Variants in PDZRN4 observed in about 807,000 individuals in gnomAD.
The protein encoded by PDZRN4 is PDZ domain-containing RING finger protein 4.
Under a neutral mutation model 99.0 loss-of-function variants are expected in PDZRN4, and 70 were observed. The ratio of observed to expected loss-of-function variants is 0.71; its 90% CI spans 0.58 to 0.86. The LOEUF is 0.86. Ranked by LOEUF, PDZRN4 falls within the 40% of genes least tolerant of loss-of-function variation. PDZRN4 has a pLI of 0.00. For synonymous variants in PDZRN4, 551 were observed against 501.6 expected (o/e 1.10, Z -1.32); for missense variants, 1,474 against 1,331.2 (o/e 1.11, Z -1.67).
intron 3 of PDZRN4, among the ~76,000 whole-genome samples, chr12:41,456,101 C>A (rs1403957405): frequency 1.3e-5 from 2 of 152,188 alleles, no homozygotes; most frequent in African/African-American, 4.8e-5. Context: ...CTCTTTGCTT[C>A]CAGTCTCTAA....
rs1324824284 is a variant in PDZRN4 at position 41,574,034 on chromosome 12, G to A, written c.*144G>A. ...ATTTTTTGTAAGCAAAAAATACCTGGTAATTTTTCATTTGTTTTTCATATA... is the reference window on the plus strand; with the variant it reads ...ATTTTTTGTAAGCAAAAAATACCTGATAATTTTTCATTTGTTTTTCATATA... On this transcript the variant is annotated 3_prime_UTR_variant, in exon 10 of 10. Transcript: ENST00000402685. 2.5e-5 allele frequency: 12 copies of A among 479,544 alleles called. No homozygotes were observed. The highest frequency in any genetic ancestry group is 4.4e-4 in the Middle Eastern group (1 of 2,276). The allele number at this position is 479,544 out of a possible 1,614,324, so 29.7% of individuals were successfully genotyped here.
At chr12:41,347,552 A>G (rs1246595312) in intron 3 of PDZRN4, among the ~76,000 whole-genome samples, 2 of 152,138 alleles carry the variant, frequency 1.3e-5, no homozygotes, top group East Asian at 3.9e-4. Flanking sequence ...CAAGTTCCTT[A>G]TCAGATGTGT....
intron 3 of PDZRN4, among the ~76,000 whole-genome samples, chr12:41,231,256 C>G (rs566708904): frequency 3.0e-4 from 46 of 152,206 alleles, no homozygotes; most frequent in African/African-American, 1.0e-3. Context: ...TTATAAATTT[C>G]TCAATTGCTT....
In PDZRN4 at chr12:41,203,072, A is replaced by T. The variant is rs148729276; in HGVS notation, c.843+8884A>T. On this transcript the variant is annotated intron_variant, in intron 3 of 9. Transcript: ENST00000402685. ...GGTAGTTTTCACAGTGAAATTTGCTACAAACATGATTCATGAAGTACATAA... is the reference window on the plus strand; with the variant it reads ...GGTAGTTTTCACAGTGAAATTTGCTTCAAACATGATTCATGAAGTACATAA... 5.2e-3 allele frequency among the ~76,000 whole-genome samples: 785 copies of T among 152,164 alleles called. 2 individuals are homozygous for T. The highest frequency in any genetic ancestry group is 8.7e-3 in the Non-Finnish European group (589 of 67,968).
intron 3 of PDZRN4, among the ~76,000 whole-genome samples, chr12:41,343,007 T>C (rs919535319): frequency 6.6e-6 from 1 of 151,918 alleles, no homozygotes; most frequent in Non-Finnish European, 1.5e-5. Flanking sequence ...ATAAAGAATA[T>C]GTGGTTTATA....
intron 8 of PDZRN4, among the ~76,000 whole-genome samples, chr12:41,567,053 A>C (rs1443904120): frequency 6.6e-6 from 1 of 152,162 alleles, no homozygotes; most frequent in Non-Finnish European, 1.5e-5. Context: ...CTACAAGAAT[A>C]CTTGTTTTCA....
At chr12:41,464,608 C>G (rs1168129533) in intron 3 of PDZRN4, among the ~76,000 whole-genome samples, 1 of 152,120 alleles carries the variant, frequency 6.6e-6, no homozygotes, top group Non-Finnish European at 1.5e-5. Flanking sequence ...ACAGGGTTTA[C>G]ATATGAGAAT....
chr12:41,535,299 GACC>G (rs548533653), intron 5 of PDZRN4, among the ~76,000 whole-genome samples: 2 of 152,116 alleles, frequency 1.3e-5, no homozygotes, highest in Non-Finnish European at 2.9e-5. Flanking sequence ...TTATCTCTGG[GACC>G]CTTTGACCTG....
chr12:41,383,549 G>A (rs1214966730), intron 3 of PDZRN4, among the ~76,000 whole-genome samples: 5 of 152,182 alleles, frequency 3.3e-5, no homozygotes, highest in Non-Finnish European at 5.9e-5. Context: ...AAGGATCTGA[G>A]TAAACTCCTT....
At chr12:41,260,106 A>T (rs551528889) in intron 3 of PDZRN4, among the ~76,000 whole-genome samples, 2 of 152,192 alleles carry the variant, frequency 1.3e-5, no homozygotes, top group Non-Finnish European at 2.9e-5. Flanking sequence ...AAAATACTGA[A>T]AGCAATTAAA....
intron 3 of PDZRN4, among the ~76,000 whole-genome samples, chr12:41,361,941 C>T (rs1015637491): frequency 4.6e-5 from 7 of 152,098 alleles, no homozygotes; most frequent in Non-Finnish European, 5.9e-5. Flanking sequence ...CCAGCTCCTA[C>T]GTGACATTGA....
At chr12:41,243,878 T>G (rs1219878858) in intron 3 of PDZRN4, among the ~76,000 whole-genome samples, 5 of 152,184 alleles carry the variant, frequency 3.3e-5, no homozygotes, top group Non-Finnish European at 5.9e-5. Context: ...GCTAACATAT[T>G]CACTCAAACA....
chr12:41,288,499 T>G (rs1429842753), intron 3 of PDZRN4, among the ~76,000 whole-genome samples: 1 of 152,306 alleles, frequency 6.6e-6, no homozygotes, highest in East Asian at 1.9e-4. Context: ...TTGTCCTAAT[T>G]GGAACTGTAG....
At chr12:41,566,233 C>G (rs886867336) in intron 8 of PDZRN4, among the ~76,000 whole-genome samples, 1 of 152,020 alleles carries the variant, frequency 6.6e-6, no homozygotes. Flanking sequence ...TCATTTAATC[C>G]TCAAAGGACT....
chr12:41,375,856 C>T (rs2121090289), intron 3 of PDZRN4, among the ~76,000 whole-genome samples: 1 of 152,184 alleles, frequency 6.6e-6, no homozygotes, highest in East Asian at 1.9e-4. Flanking sequence ...TGTGCATTAG[C>T]TCCCCAGAGC....
In PDZRN4 at chr12:41,189,000, A is replaced by C; in HGVS notation, c.545A>C (p.Gln182Pro). The change falls in exon 1 of 10, where the codon CAG becomes CCG. Residue 182 changes from glutamine (Q) to proline (P), a missense_variant. Gln to Pro is a moderately conservative substitution (Grantham distance 76). Coordinates refer to ENST00000402685, the MANE Select transcript of PDZRN4 (RefSeq NM_001164595.2). The part of the protein sequence containing the change: ...KALLAQLWAL[Q>P]GEVQLTARRY... ...CTGCTGGCGCAGCTCTGGGCGCTGC[A>C]GGGCGAGGTGCAGCTCACGGCGCGC... The C allele has an allele frequency of 6.5e-7, 1 of 1,543,364 alleles. No homozygotes were observed. Among genetic ancestry groups the C allele is most frequent in the Non-Finnish European group, 8.7e-7 (1 of 1,152,072 alleles).
intron 3 of PDZRN4, among the ~76,000 whole-genome samples, chr12:41,295,222 G>A (rs749652719): frequency 1.3e-5 from 2 of 152,108 alleles, no homozygotes; most frequent in African/African-American, 4.8e-5. Context: ...ACCTGAAGGT[G>A]TACTCTGGCC....
chr12:41,508,989 A>C (rs1411326286), intron 4 of PDZRN4, among the ~76,000 whole-genome samples: 1 of 152,184 alleles, frequency 6.6e-6, no homozygotes, highest in African/African-American at 2.4e-5. Context: ...CTTTGCTGTT[A>C]AACTATGCTT....
Position 41,573,322 on chromosome 12 carries a change from G to C in PDZRN4, c.2543G>C (p.Arg848Pro). 2 of 1,613,168 alleles carry C rather than the reference G, an allele frequency of 1.2e-6. No homozygotes were observed. Among genetic ancestry groups the C allele is most frequent in the Non-Finnish European group, 1.7e-6 (2 of 1,179,996 alleles). ...TATGCAAACATCCCAGCACACGCCC[G>C]GCATTATCAAAGCTACATGCAGTTA... ...YRYANIPAHA[R>P]HYQSYMQLIQ... Residue 848 changes from arginine (R) to proline (P), a missense_variant, in exon 10 of 10, where the codon CGG (arginine) becomes CCG (proline). Arg to Pro is a moderately radical substitution (Grantham distance 103). Transcript: ENST00000402685.
Sources: allele counts gnomAD v4.1 joint callset (sites outside exome capture counted in the v4.1 genomes callset), GRCh38; gene constraint gnomAD v4.1.1; transcripts MANE v1.5; gene names NCBI Gene and HGNC (gene_info 2026-07-23, HGNC 2026-07-21).